PAX7: variants seen among roughly 807,000 people sequenced by gnomAD.
The protein encoded by PAX7 is paired box protein Pax-7.
A neutral mutation model predicts 50.7 loss-of-function variants in PAX7; 18 were observed. That is an observed-to-expected ratio of 0.36 (90% confidence interval 0.25 to 0.53). The LOEUF (loss-of-function observed/expected upper bound fraction) is 0.53, where lower values mean the gene tolerates loss of function less well. PAX7 is among the 20% of genes least tolerant of loss of function. The pLI is 0.93. For missense variants in PAX7, 644 were observed against 702.9 expected (o/e 0.92, Z 0.95); for synonymous variants, 310 against 290.4 (o/e 1.07, Z -0.69).
At position 18,631,668 on chromosome 1, in the gene PAX7, G is replaced by T. The variant is rs552417333; in HGVS notation, c.65G>T (p.Arg22Leu). 6 of 1,612,650 alleles carry T rather than the reference G, an allele frequency of 3.7e-6. No individual in the cohort carries two copies. In the Admixed American group the frequency reaches 8.3e-5, roughly 22 times the overall value. ...MRPAPGQNYP[R>L]TGFPLEVSTP... ...CCGGCTCCGGGGCAGAACTACCCCC[G>T]CACGGGATTCCCTTTGGAAGGTAAG... The change falls in exon 1 of 9, where the codon CGC becomes CTC. Residue 22 changes from arginine to leucine, a missense_variant. Arg to Leu is a moderately radical substitution (Grantham distance 102). Coordinates refer to ENST00000420770, the MANE Select transcript of PAX7 (RefSeq NM_001135254.2).
intron 5 of PAX7, among the ~76,000 whole-genome samples, chr1:18,693,343 C>T (rs1001757312): frequency 2.6e-5 from 4 of 152,140 alleles, no homozygotes; most frequent in African/African-American, 9.7e-5. Context: ...ACCACCTTGT[C>T]GGGTCAGCGT....
chr1:18,647,948 CAGA>C (rs1193923533), intron 4 of PAX7, among the ~76,000 whole-genome samples: 1 of 152,144 alleles, frequency 6.6e-6, no homozygotes, highest in Non-Finnish European at 1.5e-5. Context: ...CCTCATTCAG[CAGA>C]AGGTCAAGAG....
rs1557521520 is a variant in PAX7, at chr1:18,672,606, T to TTTG, written c.587-19146_587-19145insGTT. On this transcript the variant is annotated intron_variant, in intron 4 of 8. Transcript: ENST00000420770. ...ACTGGAGAGCACTGTGTTTTTTTTT[T>TTTG]TTTTTTTTTTTGTGAGACTAAGTCT... Among the ~76,000 whole-genome samples the TTTG allele has an allele frequency of 2.1e-5, 3 of 145,594 alleles. No homozygotes were observed. In the East Asian group the frequency reaches 5.9e-4, roughly 29 times the overall value.
intron 4 of PAX7, 89 bp from the exon 5 acceptor site, chr1:18,691,665 C>A (rs1472384334): frequency 1.2e-5 from 14 of 1,179,770 alleles, no homozygotes; most frequent in Non-Finnish European, 1.6e-5. Context: ...TAGGTGGGCA[C>A]GAGTGTGCCT....
At position 18,748,403 on chromosome 1, in the gene PAX7, G is replaced by A; in HGVS notation, c.*3474G>A. On this transcript the variant is annotated 3_prime_UTR_variant, in exon 9 of 9. Coordinates refer to ENST00000420770, the MANE Select transcript of PAX7 (RefSeq NM_001135254.2). ...CTCGCACTATTGGACACTTTTTGGG[G>A]GTACACAGGTCTTCTCTCCTCCCCT... 2 of 231,344 alleles carry A rather than the reference G, an allele frequency of 8.6e-6. No individual in the cohort carries two copies. The highest frequency in any genetic ancestry group is 8.6e-6 in the Non-Finnish European group (1 of 116,916). The allele number at this position is 231,344 out of a possible 1,614,324, so 14.3% of individuals were successfully genotyped here.
intron 4 of PAX7, among the ~76,000 whole-genome samples, chr1:18,654,503 C>A (rs1296293765): frequency 1.4e-5 from 2 of 146,374 alleles, no homozygotes; most frequent in Non-Finnish European, 1.5e-5. Context: ...ATGTGCAATG[C>A]CTTCCTCCTT....
At chr1:18,637,410 T>G (rs2088179487) in intron 4 of PAX7, among the ~76,000 whole-genome samples, 1 of 151,736 alleles carries the variant, frequency 6.6e-6, no homozygotes, top group African/African-American at 2.4e-5. Flanking sequence ...CCCAAACACA[T>G]ACGCGGAGAG....
chr1:18,650,843 C>T (rs2298893), intron 4 of PAX7, among the ~76,000 whole-genome samples: 4,629 of 152,260 alleles, frequency 0.03, 121 homozygotes, highest in South Asian at 0.1. Flanking sequence ...GCTTTTGTTA[C>T]GGTCACCTGT....
intron 4 of PAX7, among the ~76,000 whole-genome samples, chr1:18,657,358 T>G (rs2088537013): frequency 6.6e-6 from 1 of 150,692 alleles, no homozygotes; most frequent in Non-Finnish European, 1.5e-5. Context: ...GAGGAAAAAG[T>G]GCTCAGAGGA....
At chr1:18,708,319 G>T (rs1288973045) in intron 7 of PAX7, among the ~76,000 whole-genome samples, 1 of 152,072 alleles carries the variant, frequency 6.6e-6, no homozygotes, top group East Asian at 1.9e-4. Context: ...ACTTTGGGAG[G>T]CCGAGGTGGG....
At chr1:18,681,953 G>T (rs967911374) in intron 4 of PAX7, among the ~76,000 whole-genome samples, 1 of 152,038 alleles carries the variant, frequency 6.6e-6, no homozygotes, top group African/African-American at 2.4e-5. Flanking sequence ...GGTCAGGCTG[G>T]TCTCGAACTC....
intron 7 of PAX7, among the ~76,000 whole-genome samples, chr1:18,725,945 G>A (rs1389791058): frequency 6.6e-6 from 1 of 152,192 alleles, no homozygotes; most frequent in Admixed American, 6.5e-5. Flanking sequence ...CCAGAAATTT[G>A]GAGATTGACA....
Position 18,691,937 on chromosome 1 carries a change from CAG to C in PAX7, c.773_774del (p.Glu258GlyfsTer9). ...GAGCTGGCGCAGAGGACCAAGCTGA[CAG>C]AGGCGCGTGTGCAGGTGAGGAGGCA... On this transcript the variant is annotated frameshift_variant, in exon 5 of 9. Coordinates refer to ENST00000420770, the MANE Select transcript of PAX7 (RefSeq NM_001135254.2). LOFTEE classifies it high-confidence loss of function. 6.2e-7 allele frequency: 1 copy of C among 1,613,674 alleles called. No individual in the cohort carries two copies. The highest frequency in any genetic ancestry group is 8.5e-7 in the Non-Finnish European group (1 of 1,179,882).
chr1:18,720,622 C>G (rs558327273), intron 7 of PAX7, among the ~76,000 whole-genome samples: 29 of 150,512 alleles, frequency 1.9e-4, no homozygotes, highest in Non-Finnish European at 3.4e-4. Flanking sequence ...GGGAGGTGGG[C>G]GCAGACGGAC....
At chr1:18,692,142 GA>G (rs1352605181) in intron 5 of PAX7, among the ~76,000 whole-genome samples, 189 bp downstream of exon 5, 2 of 152,086 alleles carry the variant, frequency 1.3e-5, no homozygotes, top group Non-Finnish European at 2.9e-5. Flanking sequence ...GGTTGACTGA[GA>G]GCTGGACAGC....
chr1:18,685,422 GA>G (rs1367069029), intron 4 of PAX7, among the ~76,000 whole-genome samples: 2 of 152,204 alleles, frequency 1.3e-5, no homozygotes, highest in African/African-American at 4.8e-5. Flanking sequence ...CGCACTCAAG[GA>G]TCTCCCAGAC....
At chr1:18,682,056 T>G (rs1405457186) in intron 4 of PAX7, among the ~76,000 whole-genome samples, 1 of 152,070 alleles carries the variant, frequency 6.6e-6, no homozygotes, top group African/African-American at 2.4e-5. Flanking sequence ...AATTTTAAAA[T>G]CCGGCCTGGT....
At chr1:18,739,435 T>C (rs1269752793) in intron 8 of PAX7, among the ~76,000 whole-genome samples, 1 of 152,204 alleles carries the variant, frequency 6.6e-6, no homozygotes, top group Non-Finnish European at 1.5e-5. Flanking sequence ...ATATACAAAA[T>C]GTGCATGTGT....
intron 7 of PAX7, among the ~76,000 whole-genome samples, chr1:18,718,424 T>TA (rs1396738522): frequency 9.9e-5 from 15 of 152,146 alleles, no homozygotes; most frequent in Non-Finnish European, 1.9e-4. Flanking sequence ...GAGCCTGTTA[T>TA]AGTAGGTCCA....
Sources: allele counts gnomAD v4.1 joint callset (sites outside exome capture counted in the v4.1 genomes callset), GRCh38; gene constraint gnomAD v4.1.1; transcripts MANE v1.5; gene names NCBI Gene and HGNC (gene_info 2026-07-23, HGNC 2026-07-21).